The following HIPK3 variants were observed in gnomAD, a reference collection of about 807,000 sequenced individuals.
HIPK3 encodes homeodomain-interacting protein kinase 3.
A neutral mutation model predicts 124.2 loss-of-function variants in HIPK3; 47 were observed. That is an observed-to-expected ratio of 0.38 (90% CI 0.30 to 0.48). HIPK3 has a LOEUF of 0.48. Ranked by LOEUF, HIPK3 falls within the 20% of genes least tolerant of loss-of-function variation. The pLI, the probability that HIPK3 is intolerant of heterozygous loss-of-function variation, is 0.98. For synonymous variants in HIPK3, 482 were observed against 515.2 expected, an observed-to-expected ratio of 0.94 and a Z score of 0.87; for missense variants, 1,286 against 1,454.3, an observed-to-expected ratio of 0.88 and a Z score of 1.88.
chr11:33,268,855 TTG>T (rs1851047617), intron 1 of HIPK3, among the ~76,000 whole-genome samples: 1 of 152,134 alleles, frequency 6.6e-6, no homozygotes, highest in Non-Finnish European at 1.5e-5. Flanking sequence ...TGAAATGATT[TTG>T]CATTAATTCT....
In HIPK3 at chr11:33,281,058, C is replaced by CTTTTTTTTTT. The variant is rs56902582; in HGVS notation, c.-2-5335_-2-5326dup. Among the ~76,000 whole-genome samples the CTTTTTTTTTT allele has an allele frequency of 2.1e-4, 24 of 111,806 alleles. 2 individuals are homozygous for CTTTTTTTTTT. Among genetic ancestry groups the CTTTTTTTTTT allele is most frequent in the Non-Finnish European group, 3.5e-4 (20 of 57,444 alleles). 73.3% of individuals were successfully genotyped at this position (111,806 alleles called of 152,430 possible). Reference sequence around the variant, plus strand: ...TTTATGTGTATATTTACTTATTTGACTTTTTTTTTTTTTTTTTTTTTTTTT... The same window carrying CTTTTTTTTTT: ...TTTATGTGTATATTTACTTATTTGACTTTTTTTTTTTTTTTTTTTTTTTTTTTTTTTTTTT... On this transcript the variant is annotated intron_variant, in intron 1 of 16. Transcript: ENST00000303296.
rs1853667581 is a variant in HIPK3, at chr11:33,351,771, G to A, written c.2971G>A (p.Val991Ile). ...TGCTGACACAGAAACCAAGCCAGCTGTCTGTTCTGTTGTGGTGCCACCAGT... is the reference window on the plus strand; with the variant it reads ...TGCTGACACAGAAACCAAGCCAGCTATCTGTTCTGTTGTGGTGCCACCAGT... Reference protein sequence around the residue: ...SSADTETKPAVCSVVVPPVEL... With the variant: ...SSADTETKPAICSVVVPPVEL... Residue 991 changes from valine to isoleucine, a missense_variant, in exon 15 of 17, where the codon GTC becomes ATC. This residue lies in a region of HIPK3 where 810 missense variants were observed against 864.9 expected (regional missense o/e 0.94). Transcript: ENST00000303296. 1 of 1,614,194 alleles carries A rather than the reference G, an allele frequency of 6.2e-7. No individual in the cohort carries two copies. Among genetic ancestry groups the A allele is most frequent in the South Asian group, 1.1e-5 (1 of 91,090 alleles).
At chr11:33,328,258 T>C (rs1159926523) in intron 2 of HIPK3, among the ~76,000 whole-genome samples, 1 of 152,218 alleles carries the variant, frequency 6.6e-6, no homozygotes, top group Non-Finnish European at 1.5e-5. Context: ...CAAAAAATGT[T>C]ATGTTAGTAA....
In HIPK3 at chr11:33,353,087, G is replaced by A; in HGVS notation, c.3172-5G>A. ...CAGTCATTTTTTTTTTTTCTTTGTG[G>A]ATAGGTTCAGCACTTTGGATCTGGG... On this transcript the variant is annotated splice_polypyrimidine_tract_variant and splice_region_variant and intron_variant, in intron 16 of 16. Coordinates refer to ENST00000303296, the MANE Select transcript of HIPK3 (RefSeq NM_005734.5). 6.5e-7 allele frequency: 1 copy of A among 1,532,486 alleles called. No individual in the cohort carries two copies. Among genetic ancestry groups the A allele is most frequent in the Non-Finnish European group, 8.8e-7 (1 of 1,132,570 alleles). The allele number at this position is 1,532,486 out of a possible 1,614,324, so 94.9% of individuals were successfully genotyped here. A position where few individuals can be genotyped will look rare whatever the true frequency, so the allele number is the denominator to read the frequency against.
intron 2 of HIPK3, among the ~76,000 whole-genome samples, chr11:33,299,133 C>A (rs1423267078): frequency 6.6e-6 from 1 of 151,764 alleles, no homozygotes; most frequent in Non-Finnish European, 1.5e-5. Flanking sequence ...AGGTGTGAGC[C>A]ACTGTGCCTG....
At chr11:33,351,321 T>G (rs1000856055) in intron 14 of HIPK3, among the ~76,000 whole-genome samples, 3 of 152,140 alleles carry the variant, frequency 2.0e-5, no homozygotes, top group African/African-American at 7.2e-5. Flanking sequence ...AAGAGGAATT[T>G]TATGAGCTGC....
At chr11:33,295,282 C>CCG (rs1348262335) in intron 2 of HIPK3, among the ~76,000 whole-genome samples, 1 of 149,290 alleles carries the variant, frequency 6.7e-6, no homozygotes, top group Non-Finnish European at 1.5e-5. Context: ...CCACCGCCCC[C>CCG]CCCCCACAAC....
chr11:33,326,235 T>C (rs1257899538), intron 2 of HIPK3, among the ~76,000 whole-genome samples: 1 of 152,206 alleles, frequency 6.6e-6, no homozygotes, highest in Non-Finnish European at 1.5e-5. Context: ...GGCTATATGT[T>C]GAAGCCACTC....
chr11:33,268,624 AAG>A (rs1292474901), intron 1 of HIPK3, among the ~76,000 whole-genome samples: 2 of 151,744 alleles, frequency 1.3e-5, no homozygotes, highest in African/African-American at 4.9e-5. Context: ...AAATTAAAAA[AAG>A]AATCTTGTAT....
chr11:33,351,009 G>A (rs912426266), intron 14 of HIPK3, among the ~76,000 whole-genome samples: 5 of 152,144 alleles, frequency 3.3e-5, no homozygotes, highest in African/African-American at 7.2e-5. Flanking sequence ...TATGGAATGA[G>A]TGGTTGAAAC....
At chr11:33,344,413 T>C (rs1032526141) in intron 8 of HIPK3, among the ~76,000 whole-genome samples, 1 of 152,230 alleles carries the variant, frequency 6.6e-6, no homozygotes, top group Non-Finnish European at 1.5e-5. Context: ...AGCAGGTTTT[T>C]TTTCAGAGCC....
chr11:33,343,281 G>GTGTATGTA, intron 8 of HIPK3, among the ~76,000 whole-genome samples: 1 of 150,502 alleles, frequency 6.6e-6, no homozygotes, highest in African/African-American at 2.5e-5. Context: ...GTGTGTGTGT[G>GTGTATGTA]TGTGTGTGTC....
Position 33,292,305 on chromosome 11 carries a change from T to C in HIPK3, c.1097+4794T>C, listed in dbSNP as rs1366980984. On this transcript the variant is annotated intron_variant, in intron 2 of 16. Coordinates refer to ENST00000303296, the MANE Select transcript of HIPK3 (RefSeq NM_005734.5). ...TAGGCCTTTTTGGGTGCTGGTACAG[T>C]GCTAGGTGCTAAGAATACAAAGGTG... Among the ~76,000 whole-genome samples the C allele has an allele frequency of 2.0e-5, 3 of 152,206 alleles. No individual in the cohort carries two copies. The East Asian group carries it at 5.8e-4, about 29-fold the overall frequency.
intron 1 of HIPK3, among the ~76,000 whole-genome samples, chr11:33,282,508 C>G (rs1348378683): frequency 6.6e-6 from 1 of 152,102 alleles, no homozygotes; most frequent in Non-Finnish European, 1.5e-5. Context: ...ATGACAAAAC[C>G]CTGTCTCTAC....
intron 1 of HIPK3, among the ~76,000 whole-genome samples, chr11:33,269,962 G>A (rs2133873728): frequency 6.6e-6 from 1 of 152,040 alleles, no homozygotes; most frequent in South Asian, 2.1e-4. Flanking sequence ...GTGTGTGTGT[G>A]TGTATACCTG....
rs1853792388 is a variant in HIPK3 at position 33,355,527 on chromosome 11, G to T, written c.*1959G>T. 6.6e-6 allele frequency: 1 copy of T among 151,938 alleles called. No individual in the cohort carries two copies. The highest frequency in any genetic ancestry group is 2.1e-4 in the South Asian group (1 of 4,828). 9.4% of individuals were successfully genotyped at this position (151,938 alleles called of 1,614,324 possible). A position where few individuals can be genotyped will look rare whatever the true frequency, so the allele number is the denominator to read the frequency against. ...CAAAGCATTGGAGTGTAAAACTCTA[G>T]ATGTTTTGGATTTACAGCGTTTCTT... On this transcript the variant is annotated 3_prime_UTR_variant, in exon 17 of 17. Coordinates refer to ENST00000303296, the MANE Select transcript of HIPK3 (RefSeq NM_005734.5).
chr11:33,266,632 A>C (rs1850972371), intron 1 of HIPK3, among the ~76,000 whole-genome samples: 2 of 152,166 alleles, frequency 1.3e-5, no homozygotes, highest in Non-Finnish European at 2.9e-5. Flanking sequence ...GCCTGAGCCC[A>C]GGGAGGTCGA....
In HIPK3 at chr11:33,325,497, G is replaced by C. The variant is rs536527650; in HGVS notation, c.1098-3013G>C. 2.0e-5 allele frequency among the ~76,000 whole-genome samples: 3 copies of C among 152,220 alleles called. No individual in the cohort carries two copies. The East Asian group carries it at 5.8e-4, about 29-fold the overall frequency. On this transcript the variant is annotated intron_variant, in intron 2 of 16. Coordinates refer to ENST00000303296, the MANE Select transcript of HIPK3 (RefSeq NM_005734.5). ...TGGTAGTGAATCTCATTTCCACGCC[G>C]TACTTTCAAAACTGCATTTTTGCTT...
chr11:33,286,496 G>A lies in HIPK3; in HGVS notation c.82G>A (p.Val28Ile). Residue 28 changes from valine (V) to isoleucine (I), a missense_variant, in exon 2 of 17, where the codon GTA (valine) becomes ATA (isoleucine). Val to Ile is a conservative substitution (Grantham distance 29). This residue lies in a region of HIPK3 where 225 missense variants were observed against 240.3 expected (regional missense o/e 0.94). Transcript: ENST00000303296. ...CTTTTGTAGTGTGAAGAAACTCAAA[G>A]TAGAGCCAAGCAGTTGTGTATTCCA... ...SAFCSVKKLK[V>I]EPSSCVFQER... The A allele has an allele frequency of 6.2e-7, 1 of 1,610,354 alleles. No individual in the cohort carries two copies. The highest frequency in any genetic ancestry group is 8.5e-7 in the Non-Finnish European group (1 of 1,179,470).
Sources: gnomAD v4.1 joint callset for allele counts (sites outside exome capture counted in the v4.1 genomes callset) on GRCh38, gnomAD v4.1.1 for gene constraint, gnomAD v4.1.1 regional missense constraint, MANE v1.5 for transcripts, NCBI Gene and HGNC (gene_info 2026-07-23, HGNC 2026-07-21) for gene names.